GDI2: variants seen among roughly 807,000 people sequenced by gnomAD.
GDI2 encodes rab GDP dissociation inhibitor beta.
GDI2 carries 22 observed loss-of-function variants against 54.2 expected under a neutral mutation model. The observed-to-expected ratio is 0.41, with a 90% CI of 0.29 to 0.58. GDI2 has a LOEUF of 0.58. GDI2 is among the 20% of genes least tolerant of loss of function. GDI2 has a pLI of 0.35. For missense variants in GDI2, 422 were observed against 546.0 expected (o/e 0.77, Z 2.26); for synonymous variants, 177 against 182.1 (o/e 0.97, Z 0.23).
intron 6 of GDI2, among the ~76,000 whole-genome samples, chr10:5,778,810 A>G (rs1437125086): frequency 1.3e-5 from 2 of 152,264 alleles, no homozygotes; most frequent in Non-Finnish European, 2.9e-5. Context: ...AAAAACTAAA[A>G]GGACCCACTT....
chr10:5,805,534 C>A (rs2386664), intron 1 of GDI2, among the ~76,000 whole-genome samples: 20,565 of 152,056 alleles, frequency 0.14, 1,427 homozygotes, highest in East Asian at 0.17. Context: ...ACATGTGCCA[C>A]CACGCCTGCC....
chr10:5,781,997 A>G (rs1840768533), intron 6 of GDI2, among the ~76,000 whole-genome samples: 1 of 152,218 alleles, frequency 6.6e-6, no homozygotes, highest in Admixed American at 6.5e-5. Flanking sequence ...TGGGCAACAG[A>G]GCAAGACTCT....
At chr10:5,777,817 T>C (rs1445349418) in intron 6 of GDI2, among the ~76,000 whole-genome samples, 1 of 152,192 alleles carries the variant, frequency 6.6e-6, no homozygotes, top group Non-Finnish European at 1.5e-5. Flanking sequence ...ATCATGCTAC[T>C]ATAAGGACAC....
intron 6 of GDI2, among the ~76,000 whole-genome samples, chr10:5,777,229 T>A (rs893389003): frequency 6.6e-6 from 1 of 152,190 alleles, no homozygotes; most frequent in African/African-American, 2.4e-5. Context: ...TCCCAGCACT[T>A]TGAAAGGCCG....
Position 5,813,374 on chromosome 10 carries a change from G to A in GDI2, c.-116C>T, listed in dbSNP as rs547432198. ...CGAAGGAAAGGGGAAGAGAAAGAGA[G>A]GAAAATGGAGCTGGCGACAAGGCGA... On this transcript the variant is annotated 5_prime_UTR_variant, in exon 1 of 11. Coordinates refer to ENST00000380191, the MANE Select transcript of GDI2 (RefSeq NM_001494.4). 7 of 704,118 alleles carry A rather than the reference G, an allele frequency of 9.9e-6. No individual in the cohort carries two copies. Among genetic ancestry groups the A allele is most frequent in the South Asian group, 1.7e-5 (1 of 57,252 alleles). 43.6% of individuals were successfully genotyped at this position (704,118 alleles called of 1,614,324 possible).
intron 4 of GDI2, among the ~76,000 whole-genome samples, chr10:5,789,971 T>G (rs1840975793): frequency 2.0e-5 from 3 of 152,218 alleles, no homozygotes; most frequent in Admixed American, 1.3e-4. Flanking sequence ...ACCTCTCCAG[T>G]AAATTATCTG....
rs1171849425 is a variant in GDI2, at chr10:5,794,925, G to A, written c.348C>T (p.Ile116=). The A allele has an allele frequency of 3.1e-6, 5 of 1,607,140 alleles. No individual in the cohort carries two copies. The East Asian group carries it at 1.1e-4, about 36-fold the overall frequency. Residue 116 remains isoleucine (I), a synonymous_variant, in exon 4 of 11, where the codon ATC becomes ATT. Coordinates refer to ENST00000380191, the MANE Select transcript of GDI2 (RefSeq NM_001494.4). The stretch of plus-strand genomic sequence containing the variant: ...CTGCTTCAGTGGAAGGAACCTTGTA[G>A]ATTTTTCCACCCTTATAGACAAAGC... ...EGSFVYKGGK[I]YKVPSTEAEA...
chr10:5,775,977 C>CA (rs1278608169), intron 6 of GDI2: 1 of 173,010 alleles, frequency 5.8e-6, no homozygotes, highest in Non-Finnish European at 1.2e-5. Context: ...CCTGCGGCTG[C>CA]ATCGCGCTTC....
intron 6 of GDI2, among the ~76,000 whole-genome samples, chr10:5,784,566 A>G (rs568079834): frequency 2.2e-4 from 34 of 152,298 alleles, no homozygotes; most frequent in Non-Finnish European, 4.1e-4. Flanking sequence ...TGTCAGAGGG[A>G]AGATCTGGAA....
At chr10:5,803,967 G>T (rs1268909896) in intron 1 of GDI2, among the ~76,000 whole-genome samples, 1 of 151,986 alleles carries the variant, frequency 6.6e-6, no homozygotes, top group Non-Finnish European at 1.5e-5. Flanking sequence ...TTTGAAACCC[G>T]TATTTTTAAA....
At chr10:5,787,989 G>A (rs1191298240) in intron 4 of GDI2, among the ~76,000 whole-genome samples, 1 of 152,178 alleles carries the variant, frequency 6.6e-6, no homozygotes, top group African/African-American at 2.4e-5. Context: ...GTTTTACACA[G>A]CACAGTAGAG....
intron 1 of GDI2, among the ~76,000 whole-genome samples, chr10:5,802,103 C>A (rs1030294618): frequency 7.2e-5 from 11 of 152,184 alleles, no homozygotes; most frequent in African/African-American, 2.7e-4. Flanking sequence ...ACAGACAGCA[C>A]TTCAGCTCAG....
intron 7 of GDI2, among the ~76,000 whole-genome samples, chr10:5,769,876 T>C (rs1840445825): frequency 6.6e-6 from 1 of 152,244 alleles, no homozygotes; most frequent in Non-Finnish European, 1.5e-5. Context: ...ATTCCACTTC[T>C]GGGTACACAC....
At chr10:5,798,543 CG>C in intron 2 of GDI2, among the ~76,000 whole-genome samples, 1 of 149,662 alleles carries the variant, frequency 6.7e-6, no homozygotes, top group Admixed American at 6.7e-5. Context: ...GAGCTAAGAT[CG>C]TGCCACTGCA....
chr10:5,769,749 G>A (rs531835685), intron 7 of GDI2, among the ~76,000 whole-genome samples: 2 of 152,274 alleles, frequency 1.3e-5, no homozygotes, highest in South Asian at 4.1e-4. Flanking sequence ...TCAAGGATAT[G>A]GAGAAACTGG....
chr10:5,797,928 G>T (rs973734278), intron 2 of GDI2, among the ~76,000 whole-genome samples: 6 of 152,082 alleles, frequency 3.9e-5, no homozygotes, highest in African/African-American at 1.4e-4. Flanking sequence ...ATAAACCTTA[G>T]ATTCTTCCTA....
Position 5,771,858 on chromosome 10 carries a change from G to A in GDI2, c.819+1984C>T, listed in dbSNP as rs61658636. Among the ~76,000 whole-genome samples the A allele has an allele frequency of 5.9e-3, 904 of 152,272 alleles. 10 individuals carry two copies. Among genetic ancestry groups the A allele is most frequent in the Middle Eastern group, 0.041 (12 of 294 alleles). On this transcript the variant is annotated intron_variant, in intron 7 of 10. Coordinates refer to ENST00000380191, the MANE Select transcript of GDI2 (RefSeq NM_001494.4). ...TGTAATCCCAGCACTTTGGGAGGCC[G>A]AGGCAGGCAGATCACGAGGTCAAGA...
chr10:5,812,673 G>C (rs1038497522), intron 1 of GDI2, among the ~76,000 whole-genome samples: 6 of 152,152 alleles, frequency 3.9e-5, no homozygotes, highest in African/African-American at 1.4e-4. Context: ...CCACGTTTTC[G>C]CCAAAAATAT....
chr10:5,806,450 T>C (rs1237713325), intron 1 of GDI2, among the ~76,000 whole-genome samples: 1 of 151,734 alleles, frequency 6.6e-6, no homozygotes, highest in Admixed American at 6.6e-5. Flanking sequence ...TCAAGCTAAG[T>C]GATAAGGCAC....
Sources: allele counts gnomAD v4.1 joint callset (sites outside exome capture counted in the v4.1 genomes callset), GRCh38; gene constraint gnomAD v4.1.1; transcripts MANE v1.5; gene names NCBI Gene and HGNC (gene_info 2026-07-23, HGNC 2026-07-21).